AMY2A: variants seen among roughly 807,000 people sequenced by gnomAD.
The protein encoded by AMY2A is pancreatic alpha-amylase.
In AMY2A, 16 loss-of-function variants were observed where a neutral mutation model predicts 43.0. The observed-to-expected ratio is 0.37, with a 90% CI of 0.25 to 0.56. The LOEUF is 0.56. Among genes scored for constraint, AMY2A ranks in the 20% least tolerant of loss-of-function variants. The pLI, the probability that AMY2A is intolerant of heterozygous loss-of-function variation, is 0.77. For synonymous variants in AMY2A, 70 were observed against 144.6 expected (o/e 0.48, Z 3.70); for missense variants, 212 against 456.8 (o/e 0.46, Z 4.89).
rs746824941 is a variant in AMY2A at position 103,617,510 on chromosome 1, G to C, written c.70G>C (p.Gly24Arg). ...WAQYSPNTQQ[G>R]RTSIVHLFEW... Reference sequence around the variant, plus strand: ...TCAGTATTCCCCAAATACACAACAAGGACGGACATCTATTGTTCATCTGTT... The same window carrying C: ...TCAGTATTCCCCAAATACACAACAACGACGGACATCTATTGTTCATCTGTT... Residue 24 changes from glycine to arginine, a missense_variant, in exon 1 of 10, where the codon GGA (glycine) becomes CGA (arginine). Coordinates refer to ENST00000414303, the MANE Select transcript of AMY2A (RefSeq NM_000699.4). The C allele has an allele frequency of 6.2e-7, 1 of 1,600,628 alleles. No homozygotes were observed. Among genetic ancestry groups the C allele is most frequent in the Non-Finnish European group, 8.5e-7 (1 of 1,170,824 alleles).
At chr1:103,617,225 A>G (rs1653101141), upstream of AMY2A, among the ~76,000 whole-genome samples, 1 of 150,682 alleles carries the variant, frequency 6.6e-6, no homozygotes, top group Non-Finnish European at 1.5e-5. Flanking sequence ...AGAACCTAAG[A>G]AAAACATTAA....
chr1:103,618,213 C>T, intron 2 of AMY2A, 113 bp downstream of exon 2: 1 of 1,447,010 alleles, frequency 6.9e-7, no homozygotes, highest in Non-Finnish European at 9.2e-7. Flanking sequence ...TTTAATTTTA[C>T]TTCATAATTT....
upstream of AMY2A, chr1:103,616,975 A>G (rs1396913679): frequency 9.6e-7 from 1 of 1,044,308 alleles, no homozygotes; most frequent in Non-Finnish European, 1.2e-6. Flanking sequence ...CATAGGACCC[A>G]GTTTCCTTTC....
chr1:103,617,365 T>C (rs1653104773), upstream of AMY2A: 2 of 1,555,988 alleles, frequency 1.3e-6, no homozygotes, highest in Admixed American at 3.5e-5. Context: ...TTCATGCTAA[T>C]ATTTACTTTG....
chr1:103,618,968 G>A lies in AMY2A; in HGVS notation c.373G>A (p.Gly125Arg). The A allele has an allele frequency of 7.0e-7, 1 of 1,420,692 alleles. No homozygotes were observed. Among genetic ancestry groups the A allele is most frequent in the Non-Finnish European group, 9.5e-7 (1 of 1,052,826 alleles). 88.0% of individuals were successfully genotyped at this position (1,420,692 alleles called of 1,614,324 possible). A position where few individuals can be genotyped will look rare whatever the true frequency, so the allele number is the denominator to read the frequency against. ...NHMCGNAVSAGTSSTCGSYFN... is the reference protein window; with the variant it reads ...NHMCGNAVSARTSSTCGSYFN... ...TATGTGTGGTAACGCTGTGAGTGCA[G>A]GAACAAGCAGTACCTGTGGAAGTTA... The change falls in exon 3 of 10, where the codon GGA becomes AGA. Residue 125 changes from glycine (G) to arginine (R), a missense_variant. By Grantham distance (125) the Gly-to-Arg change is moderately radical. This residue lies in a region of AMY2A where 199 missense variants were observed against 210.6 expected (regional missense o/e 0.94). Transcript: ENST00000414303.
rs1327917758 is a variant in AMY2A at position 103,618,948 on chromosome 1, G to C, written c.353G>C (p.Cys118Ser). The change falls in exon 3 of 10, where the codon TGT becomes TCT. Residue 118 changes from cysteine to serine, a missense_variant. Physicochemically the swap from Cys to Ser is moderately radical, Grantham distance 112. Around this residue, in one of 2 missense-constraint regions of AMY2A, gnomAD observed 199 missense variants for 210.6 expected, o/e 0.94. Coordinates refer to ENST00000414303, the MANE Select transcript of AMY2A (RefSeq NM_000699.4). ...IYVDAVINHM[C>S]GNAVSAGTSS... ...GTGGATGCTGTAATTAATCATATGTGTGGTAACGCTGTGAGTGCAGGAACA... is the reference window on the plus strand; with the variant it reads ...GTGGATGCTGTAATTAATCATATGTCTGGTAACGCTGTGAGTGCAGGAACA... The C allele has an allele frequency of 6.4e-6, 9 of 1,413,342 alleles. 1 individual carries two copies. Among genetic ancestry groups the C allele is most frequent in the African/African-American group, 6.0e-5 (4 of 67,058 alleles). The allele number at this position is 1,413,342 out of a possible 1,614,324, so 87.6% of individuals were successfully genotyped here. A position where few individuals can be genotyped will look rare whatever the true frequency, so the allele number is the denominator to read the frequency against.
chr1:103,618,885 A>G (rs1271914387), intron 2 of AMY2A, 26 bp from the exon 3 acceptor site: 2 of 789,304 alleles, frequency 2.5e-6, no homozygotes, highest in South Asian at 3.7e-5. Flanking sequence ...TGTAAGTCAC[A>G]CTGAAGTAGA....
intron 2 of AMY2A, 90 bp downstream of exon 2, chr1:103,618,190 C>T (rs1342830006): frequency 2.5e-5 from 37 of 1,494,074 alleles, no homozygotes; most frequent in South Asian, 2.4e-4. Context: ...GAAAATTTTC[C>T]GTATTTTATT....
chr1:103,617,877 A>G lies in AMY2A; in HGVS notation c.169-77A>G, dbSNP rs527792122. On this transcript the variant is annotated intron_variant, in intron 1 of 9. Coordinates refer to ENST00000414303, the MANE Select transcript of AMY2A (RefSeq NM_000699.4). Reference sequence around the variant, plus strand: ...CCAAGATTCAAGAATCTTTTATACTATTGATTAGTTTCTAGAACATTCAAT... The same window carrying G: ...CCAAGATTCAAGAATCTTTTATACTGTTGATTAGTTTCTAGAACATTCAAT... 49 of 1,591,150 alleles carry G rather than the reference A, an allele frequency of 3.1e-5. 2 individuals carry two copies. In the African/African-American group the frequency reaches 5.8e-4, roughly 19 times the overall value.
upstream of AMY2A, chr1:103,617,013 G>A (rs1330907543): frequency 4.5e-5 from 47 of 1,041,266 alleles, 2 homozygotes; most frequent in Admixed American, 1.5e-4. Context: ...CCAGAGCACC[G>A]TGGGCTGTTA....
chr1:103,618,059 G>A lies in AMY2A; in HGVS notation c.274G>A (p.Asp92Asn). 7.5e-6 allele frequency: 12 copies of A among 1,600,532 alleles called. 3 individuals carry two copies. The highest frequency in any genetic ancestry group is 1.0e-5 in the Non-Finnish European group (12 of 1,170,596). ...ATTATGCACAAGATCTGGAAATGAA[G>A]ATGAATTTAGAAACATGGTGACTAG... ...YKLCTRSGNEDEFRNMVTRCN... is the reference protein window; with the variant it reads ...YKLCTRSGNENEFRNMVTRCN... Residue 92 changes from aspartate to asparagine, a missense_variant, in exon 2 of 10, where the codon GAT becomes AAT. Transcript: ENST00000414303.
intron 7 of AMY2A, among the ~76,000 whole-genome samples, chr1:103,623,372 T>TGAGGC (rs1653240339): frequency 8.2e-6 from 1 of 122,572 alleles, no homozygotes; most frequent in Non-Finnish European, 1.7e-5. Context: ...CAGCACCTAG[T>TGAGGC]GAGGCGAGGC....
Position 103,617,584 on chromosome 1 carries a change from T to G in AMY2A, c.144T>G (p.Ala48=). The G allele has an allele frequency of 6.2e-7, 1 of 1,601,002 alleles. No individual in the cohort carries two copies. The highest frequency in any genetic ancestry group is 8.5e-7 in the Non-Finnish European group (1 of 1,170,914). The change falls in exon 1 of 10, where the codon GCT becomes GCG. Residue 48 remains alanine (A), a synonymous_variant. Coordinates refer to ENST00000414303, the MANE Select transcript of AMY2A (RefSeq NM_000699.4). Reference sequence around the variant, plus strand: ...CTCTTGAATGTGAGCGATATTTAGCTCCGAAGGGATTTGGAGGGGTTCAGG... The same window carrying G: ...CTCTTGAATGTGAGCGATATTTAGCGCCGAAGGGATTTGGAGGGGTTCAGG... ...DIALECERYL[A]PKGFGGVQVS... is the part of the protein sequence containing the mutation.
chr1:103,618,338 A>G (rs1570667116), intron 2 of AMY2A, among the ~76,000 whole-genome samples: 1 of 150,800 alleles, frequency 6.6e-6, no homozygotes. Context: ...AAAGCAAAAC[A>G]TCAAATTTTA....
Position 103,619,090 on chromosome 1 carries a change from C to A in AMY2A, c.495C>A (p.Asn165Lys). The A allele has an allele frequency of 8.5e-7, 1 of 1,169,736 alleles. No individual in the cohort carries two copies. Among genetic ancestry groups the A allele is most frequent in the Non-Finnish European group, 1.2e-6 (1 of 852,062 alleles). 72.5% of individuals were successfully genotyped at this position (1,169,736 alleles called of 1,614,324 possible). A position where few individuals can be genotyped will look rare whatever the true frequency, so the allele number is the denominator to read the frequency against. ...AAACTGGAAGTGGAGATATCGAGAACTACAATGATGCTACTCAGGTAATTT... is the reference window on the plus strand; with the variant it reads ...AAACTGGAAGTGGAGATATCGAGAAATACAATGATGCTACTCAGGTAATTT... ...KCKTGSGDIE[N>K]YNDATQVRDC... Residue 165 changes from asparagine to lysine, a missense_variant, in exon 3 of 10, where the codon AAC (asparagine) becomes AAA (lysine). Coordinates refer to ENST00000414303, the MANE Select transcript of AMY2A (RefSeq NM_000699.4).
chr1:103,616,898 G>T (rs1196327705), upstream of AMY2A: 4 of 744,988 alleles, frequency 5.4e-6, no homozygotes, highest in East Asian at 3.4e-4. Flanking sequence ...TTTGTCTAGA[G>T]GCTGGTAAGG....
At position 103,617,867 on chromosome 1, in the gene AMY2A, C is replaced by A. The variant is rs530215152; in HGVS notation, c.169-87C>A. 2.5e-5 allele frequency: 39 copies of A among 1,584,146 alleles called. No individual in the cohort carries two copies. The East Asian group carries it at 4.7e-4, about 19-fold the overall frequency. ...GCTGCCTATACCAAGATTCAAGAAT[C>A]TTTTATACTATTGATTAGTTTCTAG... On this transcript the variant is annotated intron_variant, in intron 1 of 9. Coordinates refer to ENST00000414303, the MANE Select transcript of AMY2A (RefSeq NM_000699.4).
intron 2 of AMY2A, among the ~76,000 whole-genome samples, 176 bp from the exon 3 acceptor site, chr1:103,618,735 G>A (rs1653149796): frequency 1.3e-5 from 2 of 150,556 alleles, no homozygotes; most frequent in South Asian, 4.2e-4. Flanking sequence ...AGGCATGTAG[G>A]TGTTTAGTTC....
At chr1:103,618,773 T>G (rs1653151020) in intron 2 of AMY2A, 138 bp from the exon 3 acceptor site, 6 of 1,495,670 alleles carry the variant, frequency 4.0e-6, no homozygotes, top group Non-Finnish European at 5.5e-6. Context: ...CAGTTGATTT[T>G]TGATCTTGTA....
Sources: allele counts gnomAD v4.1 joint callset (sites outside exome capture counted in the v4.1 genomes callset), GRCh38; gene constraint gnomAD v4.1.1; regional missense constraint gnomAD v4.1.1; transcripts MANE v1.5; gene names NCBI Gene and HGNC (gene_info 2026-07-23, HGNC 2026-07-21).